XRCC5: variants seen among roughly 807,000 people sequenced by gnomAD.
XRCC5 encodes X-ray repair cross complementing 5.
Under a neutral mutation model 95.7 loss-of-function variants are expected in XRCC5, and 12 were observed. The observed-to-expected ratio is 0.13, with a 90% confidence interval of 0.08 to 0.20. The LOEUF (loss-of-function observed/expected upper bound fraction) is 0.20, where lower values mean the gene tolerates loss of function less well. Ranked by LOEUF, XRCC5 falls within the 10% of genes least tolerant of loss-of-function variation. The pLI is 1.00. For missense variants in XRCC5, 595 were observed against 873.9 expected (o/e 0.68, Z 4.02); for synonymous variants, 281 against 290.3 (o/e 0.97, Z 0.33).
At chr2:216,111,432 C>T (rs1166021918) in intron 1 of XRCC5, 3 of 446,672 alleles carry the variant, frequency 6.7e-6, no homozygotes, top group Non-Finnish European at 1.3e-5. Context: ...GCTGAGGTAG[C>T]GGGATCACTT....
At chr2:216,204,439 C>A in intron 20 of XRCC5, 43 bp downstream of exon 20, 1 of 1,604,154 alleles carries the variant, frequency 6.2e-7, no homozygotes, top group South Asian at 1.1e-5. Context: ...TGATTGAAGT[C>A]ACCTGAGCTG....
intron 8 of XRCC5, among the ~76,000 whole-genome samples, chr2:216,129,042 C>G (rs947084362): frequency 6.6e-6 from 1 of 152,146 alleles, no homozygotes; most frequent in Admixed American, 6.5e-5. Context: ...GAGCCACTTA[C>G]AGTTTTGAGG....
At chr2:216,177,615 T>C (rs1224179201) in intron 16 of XRCC5, among the ~76,000 whole-genome samples, 1 of 152,188 alleles carries the variant, frequency 6.6e-6, no homozygotes, top group Non-Finnish European at 1.5e-5. Flanking sequence ...AGGCGATTAA[T>C]TGTGAGAAAT....
At chr2:216,172,305 A>T (rs1689179046) in intron 16 of XRCC5, among the ~76,000 whole-genome samples, 1 of 152,180 alleles carries the variant, frequency 6.6e-6, no homozygotes, top group African/African-American at 2.4e-5. Context: ...GTTATTTCAT[A>T]ACTAAAAAGT....
At chr2:216,133,518 A>G (rs1697026054) in intron 10 of XRCC5, among the ~76,000 whole-genome samples, 1 of 152,214 alleles carries the variant, frequency 6.6e-6, no homozygotes, top group African/African-American at 2.4e-5. Context: ...CTTTATGCAA[A>G]GAACATTCTG....
chr2:216,175,220 T>C, intron 16 of XRCC5: 1 of 371,366 alleles, frequency 2.7e-6, no homozygotes, highest in Non-Finnish European at 5.3e-6. Flanking sequence ...TTGCCCACCG[T>C]CACCTCCACA....
intron 12 of XRCC5, among the ~76,000 whole-genome samples, chr2:216,140,548 G>A (rs998130442): frequency 5.3e-5 from 8 of 152,196 alleles, no homozygotes; most frequent in African/African-American, 1.7e-4. Flanking sequence ...AAGGAAAGAG[G>A]ATGTCGTATT....
rs531854692 is a variant in XRCC5, at chr2:216,189,805, G to A, written c.1835-420G>A. 1.2e-4 allele frequency among the ~76,000 whole-genome samples: 18 copies of A among 152,274 alleles called. 1 individual carries two copies. The highest frequency in any genetic ancestry group is 4.1e-4 in the African/African-American group (17 of 41,548). On this transcript the variant is annotated intron_variant, in intron 16 of 20. Transcript: ENST00000392132. ...CAGCACTGTTCGACAATTATCCTGAGTAGAATTAGGGGAGGGACTAGAGGA... is the reference window on the plus strand; with the variant it reads ...CAGCACTGTTCGACAATTATCCTGAATAGAATTAGGGGAGGGACTAGAGGA...
At chr2:216,193,355 C>G (rs1689654417) in intron 18 of XRCC5, among the ~76,000 whole-genome samples, 1 of 152,062 alleles carries the variant, frequency 6.6e-6, no homozygotes, top group African/African-American at 2.4e-5. Context: ...TTTTAGAACC[C>G]AAGTATAAGA....
intron 16 of XRCC5, among the ~76,000 whole-genome samples, chr2:216,163,567 G>A (rs1407995588): frequency 6.6e-6 from 1 of 151,622 alleles, no homozygotes; most frequent in Non-Finnish European, 1.5e-5. Context: ...TGGGATTACT[G>A]TGAGCCACGG....
intron 8 of XRCC5, among the ~76,000 whole-genome samples, chr2:216,130,236 CT>C (rs5838568): frequency 0.039 from 4,912 of 125,648 alleles, 179 homozygotes; most frequent in African/African-American, 0.1. Flanking sequence ...CAGGGCTGGA[CT>C]TTTTTTTTTT....
chr2:216,115,767 C>G (rs1559236420), intron 2 of XRCC5, among the ~76,000 whole-genome samples: 3 of 151,628 alleles, frequency 2.0e-5, no homozygotes, highest in African/African-American at 7.3e-5. Flanking sequence ...ACCAATTTTC[C>G]CATTGTCTTA....
intron 14 of XRCC5, among the ~76,000 whole-genome samples, chr2:216,158,963 C>T (rs1383163326): frequency 6.6e-6 from 1 of 152,082 alleles, no homozygotes; most frequent in Non-Finnish European, 1.5e-5. Flanking sequence ...AGCAAAAAAA[C>T]AACACATTTA....
intron 14 of XRCC5, among the ~76,000 whole-genome samples, chr2:216,153,048 C>A (rs964435146): frequency 6.6e-6 from 1 of 152,174 alleles, no homozygotes; most frequent in South Asian, 2.1e-4. Flanking sequence ...AATTACTAAT[C>A]TAATTATTAT....
rs540926249 is a variant in XRCC5 at position 216,189,313 on chromosome 2, A to C, written c.1835-912A>C. Among the ~76,000 whole-genome samples the C allele has an allele frequency of 2.6e-5, 4 of 152,342 alleles. No homozygotes were observed. The East Asian group carries it at 7.7e-4, about 29-fold the overall frequency. ...AATTGCCAAACAGCCACAGCTAGTG[A>C]ATGGTTTCAGGGGACAAGGGAGAGG... On this transcript the variant is annotated intron_variant, in intron 16 of 20. Coordinates refer to ENST00000392132, the MANE Select transcript of XRCC5 (RefSeq NM_021141.4).
intron 3 of XRCC5, chr2:216,117,221 C>T (rs1248155479): frequency 1.0e-5 from 2 of 191,062 alleles, no homozygotes; most frequent in African/African-American, 4.7e-5. Flanking sequence ...AATGTTCTCT[C>T]CTTTTTTTCT....
At chr2:216,175,849 G>A in intron 16 of XRCC5, 1 of 429,906 alleles carries the variant, frequency 2.3e-6, no homozygotes, top group Non-Finnish European at 4.5e-6. Flanking sequence ...CTGTGAGTGT[G>A]CCCCCTTTCT....
chr2:216,115,398 A>G (rs957425787), intron 2 of XRCC5, among the ~76,000 whole-genome samples: 4 of 152,078 alleles, frequency 2.6e-5, no homozygotes, highest in African/African-American at 4.8e-5. Flanking sequence ...CATGACTGAG[A>G]TTTTGTCTAG....
chr2:216,149,505 C>T (rs1258492777), intron 14 of XRCC5, among the ~76,000 whole-genome samples: 1 of 152,190 alleles, frequency 6.6e-6, no homozygotes, highest in Non-Finnish European at 1.5e-5. Flanking sequence ...CTATCCTTAT[C>T]TACCTTCTGG....
Sources: gnomAD v4.1 joint callset for allele counts (sites outside exome capture counted in the v4.1 genomes callset) on GRCh38, gnomAD v4.1.1 for gene constraint, MANE v1.5 for transcripts, NCBI Gene and HGNC (gene_info 2026-07-23, HGNC 2026-07-21) for gene names.